PLA2G10: variants seen among roughly 807,000 people sequenced by gnomAD.
PLA2G10 encodes the protein group 10 secretory phospholipase A2.
PLA2G10 carries 9 observed loss-of-function variants against 7.9 expected under a neutral mutation model. The ratio of observed to expected loss-of-function variants is 1.14; its 90% CI spans 0.68 to 1.98. The LOEUF (loss-of-function observed/expected upper bound fraction) is 1.98. Among genes scored for constraint, PLA2G10 ranks in the 30% most tolerant of loss-of-function variants. PLA2G10 has a pLI of 0.00. For synonymous variants in PLA2G10, 19 were observed against 27.5 expected (o/e 0.69, Z 0.97); for missense variants, 53 against 65.4 (o/e 0.81, Z 0.66).
chr16:14,679,647 C>T (rs1464994907), intron 3 of PLA2G10, among the ~76,000 whole-genome samples: 1 of 139,344 alleles, frequency 7.2e-6, no homozygotes, highest in Non-Finnish European at 1.5e-5. Flanking sequence ...GCAACAAGAG[C>T]AAGACTCCAC....
At chr16:14,676,463 G>A (rs540576556) in intron 3 of PLA2G10, among the ~76,000 whole-genome samples, 7 of 152,260 alleles carry the variant, frequency 4.6e-5, no homozygotes, top group Admixed American at 2.6e-4. Context: ...GGCGGATCAC[G>A]AGGTCAGGAG....
chr16:14,683,436 G>A (rs1346150959), intron 3 of PLA2G10, among the ~76,000 whole-genome samples: 9 of 151,534 alleles, frequency 5.9e-5, no homozygotes, highest in Non-Finnish European at 8.8e-5. Context: ...GGGTTTCACC[G>A]TGCTGCCCTG....
At chr16:14,685,989 CT>C (rs147554543) in intron 3 of PLA2G10, among the ~76,000 whole-genome samples, 5,112 of 106,722 alleles carry the variant, frequency 0.048, 95 homozygotes, top group African/African-American at 0.059. Flanking sequence ...TTTCTTTACT[CT>C]TTTTTTTTTT....
At chr16:14,687,304 T>C (rs1961110016) in intron 3 of PLA2G10, among the ~76,000 whole-genome samples, 1 of 151,852 alleles carries the variant, frequency 6.6e-6, no homozygotes, top group African/African-American at 2.4e-5. Context: ...TTTATATATC[T>C]TTAGAAGTGG....
At chr16:14,687,712 TA>T (rs1239386255) in intron 3 of PLA2G10, among the ~76,000 whole-genome samples, 1 of 151,970 alleles carries the variant, frequency 6.6e-6, no homozygotes, top group Non-Finnish European at 1.5e-5. Context: ...TCACTCACAT[TA>T]GGGCCAGACA....
At chr16:14,687,813 T>C (rs1363367659) in intron 3 of PLA2G10, among the ~76,000 whole-genome samples, 5 of 151,440 alleles carry the variant, frequency 3.3e-5, no homozygotes, top group African/African-American at 9.7e-5. Context: ...CCTGGCCAAC[T>C]TGGTGAAACC....
At chr16:14,686,093 A>C (rs1176537481) in intron 3 of PLA2G10, among the ~76,000 whole-genome samples, 1 of 141,406 alleles carries the variant, frequency 7.1e-6, no homozygotes, top group Non-Finnish European at 1.5e-5. Flanking sequence ...CCCTGGGCTT[A>C]GGTGATCCTC....
At chr16:14,686,469 A>T (rs753113264) in intron 3 of PLA2G10, among the ~76,000 whole-genome samples, 1 of 151,886 alleles carries the variant, frequency 6.6e-6, no homozygotes, top group Non-Finnish European at 1.5e-5. Context: ...TTGAAGGGAA[A>T]CTATAAATGG....
At chr16:14,679,102 A>C (rs2151850679) in intron 3 of PLA2G10, among the ~76,000 whole-genome samples, 1 of 152,288 alleles carries the variant, frequency 6.6e-6, no homozygotes, top group East Asian at 1.9e-4. Context: ...TCAGTAACAG[A>C]GAAATCCTCA....
chr16:14,682,882 A>T (rs1294159907), intron 3 of PLA2G10, among the ~76,000 whole-genome samples: 1 of 152,154 alleles, frequency 6.6e-6, no homozygotes, highest in African/African-American at 2.4e-5. Flanking sequence ...CAGCCAGGCC[A>T]ACATGGTGAA....
intron 3 of PLA2G10, among the ~76,000 whole-genome samples, chr16:14,678,395 C>A (rs982010862): frequency 6.6e-6 from 1 of 152,200 alleles, no homozygotes; most frequent in Non-Finnish European, 1.5e-5. Context: ...ACCACTGCAA[C>A]AGCCTGATAG....
chr16:14,674,981 G>A (rs1234606491), intron 3 of PLA2G10, among the ~76,000 whole-genome samples: 1 of 152,098 alleles, frequency 6.6e-6, no homozygotes. Flanking sequence ...AGACCAGCCT[G>A]ACCAACATGG....
rs565901962 is a variant in PLA2G10 at position 14,673,204 on chromosome 16, G to A, written c.356-455C>T. Among the ~76,000 whole-genome samples the A allele has an allele frequency of 2.6e-5, 4 of 151,412 alleles. No homozygotes were observed. The East Asian group carries it at 5.9e-4, about 22-fold the overall frequency. ...CGAGCTAATTTTTTTTGTATTTTTA[G>A]TGGAGACAGGGTTTCGTCGTGTTGG... On this transcript the variant is annotated intron_variant, in intron 3 of 3. Transcript: ENST00000438167.
intron 3 of PLA2G10, 124 bp from the exon 4 acceptor site, chr16:14,672,873 G>C: frequency 2.4e-6 from 2 of 840,800 alleles, no homozygotes; most frequent in Non-Finnish European, 3.8e-6. Context: ...CCCACCACGT[G>C]ATCTCCATCT....
At chr16:14,681,508 A>G (rs907021227) in intron 3 of PLA2G10, among the ~76,000 whole-genome samples, 1 of 152,030 alleles carries the variant, frequency 6.6e-6, no homozygotes, top group Non-Finnish European at 1.5e-5. Context: ...CAGGAACCCG[A>G]TGGCATCACA....
At chr16:14,678,233 C>T (rs377739181) in intron 3 of PLA2G10, among the ~76,000 whole-genome samples, 8 of 152,092 alleles carry the variant, frequency 5.3e-5, no homozygotes, top group East Asian at 1.9e-4. Context: ...TACAGGGCGA[C>T]GGGGACAAAT....
intron 3 of PLA2G10, among the ~76,000 whole-genome samples, chr16:14,672,961 A>C (rs1960629639): frequency 6.6e-6 from 1 of 151,988 alleles, no homozygotes; most frequent in African/African-American, 2.4e-5. Flanking sequence ...TGGAGAGTCC[A>C]AAGTCTGCCA....
At chr16:14,678,825 TC>T (rs2151850511) in intron 3 of PLA2G10, 1 of 308,468 alleles carries the variant, frequency 3.2e-6, no homozygotes, top group Non-Finnish European at 6.6e-6. Flanking sequence ...CCTCCTTGGC[TC>T]CCCATCTCTC....
At chr16:14,676,961 T>C (rs970923699) in intron 3 of PLA2G10, among the ~76,000 whole-genome samples, 1 of 151,960 alleles carries the variant, frequency 6.6e-6, no homozygotes, top group Non-Finnish European at 1.5e-5. Context: ...AACGGACACA[T>C]TGGAGACTGA....
Sources: allele counts gnomAD v4.1 joint callset (sites outside exome capture counted in the v4.1 genomes callset), GRCh38; gene constraint gnomAD v4.1.1; transcripts MANE v1.5; gene names NCBI Gene and HGNC (gene_info 2026-07-23, HGNC 2026-07-21).